The following ADAMTS18 variants were observed in gnomAD, a reference collection of about 807,000 sequenced individuals.
ADAMTS18 encodes the protein ADAM metallopeptidase with thrombospondin type 1 motif 18, also known as A disintegrin and metalloproteinase with thrombospondin motifs 18.
In ADAMTS18, 157 loss-of-function variants were observed where a neutral mutation model predicts 165.9. That is an observed-to-expected ratio of 0.95 (90% CI 0.83 to 1.08). The LOEUF (loss-of-function observed/expected upper bound fraction) is 1.08, where lower values mean the gene tolerates loss of function less well. ADAMTS18 is among the 50% of genes least tolerant of loss of function. The pLI is 0.00. For synonymous variants in ADAMTS18, 782 were observed against 578.2 expected, an observed-to-expected ratio of 1.35 and a Z score of -5.06; for missense variants, 2,040 against 1,534.0, an observed-to-expected ratio of 1.33 and a Z score of -5.51.
chr16:77,427,008 T>A (rs1000897906), intron 3 of ADAMTS18, among the ~76,000 whole-genome samples: 2 of 152,114 alleles, frequency 1.3e-5, no homozygotes, highest in Non-Finnish European at 2.9e-5. Context: ...AGTAAGACCC[T>A]GTCTCTAAAA....
intron 16 of ADAMTS18, among the ~76,000 whole-genome samples, chr16:77,315,677 A>G (rs1224422783): frequency 6.6e-6 from 1 of 152,208 alleles, no homozygotes; most frequent in Non-Finnish European, 1.5e-5. Context: ...ACATTTCTTC[A>G]CAAGGCACAT....
In ADAMTS18 at chr16:77,297,342, T is replaced by A. The variant is rs914965822; in HGVS notation, c.2748A>T (p.Lys916Asn). ...TTTTGGGCTCAGTTACTGGCTTGGTTTTTGCACTGCAGAATGAGGAATTGA... is the reference window on the plus strand; with the variant it reads ...TTTTGGGCTCAGTTACTGGCTTGGTATTTGCACTGCAGAATGAGGAATTGA... ...TQVNSSFCSA[K>N]TKPVTEPKIC... The change falls in exon 18 of 23, where the codon AAA becomes AAT. Residue 916 changes from lysine to asparagine, a missense_variant. Physicochemically the swap from Lys to Asn is moderately conservative, Grantham distance 94. Coordinates refer to ENST00000282849, the MANE Select transcript of ADAMTS18 (RefSeq NM_199355.4). 6.2e-7 allele frequency: 1 copy of A among 1,614,014 alleles called. No homozygotes were observed. The highest frequency in any genetic ancestry group is 8.5e-7 in the Non-Finnish European group (1 of 1,179,998).
chr16:77,361,521 C>T (rs745974360), intron 7 of ADAMTS18, among the ~76,000 whole-genome samples: 1 of 152,154 alleles, frequency 6.6e-6, no homozygotes, highest in Non-Finnish European at 1.5e-5. Context: ...ATGATGCTTA[C>T]AGAATAACCT....
chr16:77,302,878 A>G (rs1382472251), intron 16 of ADAMTS18, among the ~76,000 whole-genome samples: 1 of 149,590 alleles, frequency 6.7e-6, no homozygotes, highest in Non-Finnish European at 1.5e-5. Flanking sequence ...TGTGTTCAAG[A>G]AAAAAAAATG....
At chr16:77,357,744 C>T (rs1567509760) in intron 8 of ADAMTS18, among the ~76,000 whole-genome samples, 1 of 152,150 alleles carries the variant, frequency 6.6e-6, no homozygotes. Context: ...TTTTCTTTAG[C>T]ACATGCCAAA....
chr16:77,366,886 C>T (rs2056802628), intron 4 of ADAMTS18, among the ~76,000 whole-genome samples: 1 of 151,960 alleles, frequency 6.6e-6, no homozygotes, highest in Non-Finnish European at 1.5e-5. Flanking sequence ...ATTCATTTAC[C>T]CTTTTTTTTA....
rs771883432 is a variant in ADAMTS18 at position 77,341,710 on chromosome 16, C to G, written c.1704G>C (p.Leu568Phe). The change falls in exon 11 of 23, where the codon TTG becomes TTC. Residue 568 changes from leucine to phenylalanine, a missense_variant. Physicochemically the swap from Leu to Phe is conservative, Grantham distance 22. Coordinates refer to ENST00000282849, the MANE Select transcript of ADAMTS18 (RefSeq NM_199355.4). ...TAACAAGTATGCAGTTTACCATACT[C>G]AAGCCACAAACGGTCCCTTCTGCTG... ...MPAAEGTVCG[L>F]SMWCRQGQCV... The G allele has an allele frequency of 3.1e-6, 5 of 1,613,018 alleles. No individual in the cohort carries two copies. The highest frequency in any genetic ancestry group is 1.7e-5 in the Admixed American group (1 of 59,934).
chr16:77,418,463 G>A (rs1230986718), intron 3 of ADAMTS18, among the ~76,000 whole-genome samples: 1 of 152,126 alleles, frequency 6.6e-6, no homozygotes, highest in South Asian at 2.1e-4. Flanking sequence ...CTAAAGGGTA[G>A]AGAGGCCTGG....
intron 3 of ADAMTS18, among the ~76,000 whole-genome samples, chr16:77,417,439 G>A (rs1597249928): frequency 6.6e-6 from 1 of 152,306 alleles, no homozygotes; most frequent in Non-Finnish European, 1.5e-5. Context: ...AAGATATTGA[G>A]AAATTTAGAA....
In ADAMTS18 at chr16:77,282,956, A is replaced by C. The variant is rs1403611749; in HGVS notation, c.*1000T>G. 7.6e-6 allele frequency: 1 copy of C among 131,990 alleles called. No individual in the cohort carries two copies. The highest frequency in any genetic ancestry group is 1.6e-5 in the Non-Finnish European group (1 of 64,494). The allele number at this position is 131,990 out of a possible 1,614,324, so 8.2% of individuals were successfully genotyped here. A position where few individuals can be genotyped will look rare whatever the true frequency, so the allele number is the denominator to read the frequency against. On this transcript the variant is annotated 3_prime_UTR_variant, in exon 23 of 23. Coordinates refer to ENST00000282849, the MANE Select transcript of ADAMTS18 (RefSeq NM_199355.4). ...TTAGCTCAATCCTAGGGCAAATTTAAACGTATCAGTTGGTAGGAAAAAGCC... is the reference window on the plus strand; with the variant it reads ...TTAGCTCAATCCTAGGGCAAATTTACACGTATCAGTTGGTAGGAAAAAGCC...
At chr16:77,361,053 T>G (rs921321569) in intron 7 of ADAMTS18, among the ~76,000 whole-genome samples, 1 of 152,060 alleles carries the variant, frequency 6.6e-6, no homozygotes, top group Admixed American at 6.6e-5. Context: ...GCCACTGCAC[T>G]CCAGCCTGAG....
chr16:77,408,527 C>T (rs1177815927), intron 3 of ADAMTS18, among the ~76,000 whole-genome samples: 1 of 152,110 alleles, frequency 6.6e-6, no homozygotes, highest in African/African-American at 2.4e-5. Context: ...CGAGAATAAA[C>T]TACAGCTACA....
At chr16:77,373,612 G>A (rs1433268980) in intron 3 of ADAMTS18, among the ~76,000 whole-genome samples, 3 of 151,890 alleles carry the variant, frequency 2.0e-5, no homozygotes, top group East Asian at 1.9e-4. Flanking sequence ...TGGGTGCGGT[G>A]TATACTGCTC....
At chr16:77,370,790 GATAT>G (rs148727471) in intron 3 of ADAMTS18, among the ~76,000 whole-genome samples, 1 of 146,990 alleles carries the variant, frequency 6.8e-6, no homozygotes, top group Non-Finnish European at 1.5e-5. Context: ...TAATAGCTAC[GATAT>G]ATATATATAT....
chr16:77,334,784 C>G (rs1239832414), intron 12 of ADAMTS18, among the ~76,000 whole-genome samples: 1 of 94,544 alleles, frequency 1.1e-5, no homozygotes, highest in Non-Finnish European at 2.0e-5. Context: ...CTATAGTATA[C>G]AGTAAATATA....
At chr16:77,402,885 C>T (rs1166054030) in intron 3 of ADAMTS18, among the ~76,000 whole-genome samples, 1 of 152,176 alleles carries the variant, frequency 6.6e-6, no homozygotes, top group Non-Finnish European at 1.5e-5. Flanking sequence ...TGTCCAGCTT[C>T]CTCATGGGAA....
At chr16:77,376,917 C>T (rs909398638) in intron 3 of ADAMTS18, among the ~76,000 whole-genome samples, 5 of 148,146 alleles carry the variant, frequency 3.4e-5, no homozygotes, top group Middle Eastern at 3.3e-3. Context: ...CAGGTTCAAG[C>T]GATTCTTCTG....
chr16:77,434,201 G>C (rs1256299684), intron 2 of ADAMTS18, among the ~76,000 whole-genome samples: 1 of 151,670 alleles, frequency 6.6e-6, no homozygotes, highest in East Asian at 1.9e-4. Flanking sequence ...AGGAGGGAGA[G>C]TATTTGCTTT....
intron 3 of ADAMTS18, among the ~76,000 whole-genome samples, chr16:77,416,708 C>T (rs2057534934): frequency 6.6e-6 from 1 of 152,116 alleles, no homozygotes; most frequent in African/African-American, 2.4e-5. Flanking sequence ...TGAGAACAGA[C>T]TGATACATAT....
Sources: allele counts gnomAD v4.1 joint callset (sites outside exome capture counted in the v4.1 genomes callset), GRCh38; gene constraint gnomAD v4.1.1; transcripts MANE v1.5; gene names NCBI Gene and HGNC (gene_info 2026-07-23, HGNC 2026-07-21).